PYY: variants seen among roughly 807,000 people sequenced by gnomAD.
The protein encoded by PYY is peptide YY.
A neutral mutation model predicts 10.3 loss-of-function variants in PYY; 12 were observed. The ratio of observed to expected loss-of-function variants is 1.17; its 90% CI spans 0.75 to 1.89. The LOEUF is 1.89. PYY is among the 40% of genes most tolerant of loss of function. The pLI is 0.00. For missense variants in PYY, 141 were observed against 134.0 expected (o/e 1.05, Z -0.26); for synonymous variants, 66 against 62.0 (o/e 1.06, Z -0.30).
At chr17:43,956,982 G>T (rs1388380653), upstream of PYY, among the ~76,000 whole-genome samples, 3 of 151,700 alleles carry the variant, frequency 2.0e-5, no homozygotes, top group Non-Finnish European at 4.4e-5. Flanking sequence ...AGTGGATCAC[G>T]AGGTCAGGAG....
At chr17:43,969,113 G>C (rs925579925) in intron 1 of PYY, among the ~76,000 whole-genome samples, 1 of 151,340 alleles carries the variant, frequency 6.6e-6, no homozygotes, top group Non-Finnish European at 1.5e-5. Context: ...ATCTCAAAAA[G>C]AAAAAAATAT....
At chr17:44,003,118 A>G (rs1030475253) in intron 1 of PYY, among the ~76,000 whole-genome samples, 3 of 152,030 alleles carry the variant, frequency 2.0e-5, no homozygotes, top group Non-Finnish European at 4.4e-5. Flanking sequence ...GTTCACCGCA[A>G]TCTCCTCCTC....
intron 1 of PYY, among the ~76,000 whole-genome samples, chr17:44,001,077 G>A (rs2049023344): frequency 6.6e-6 from 1 of 152,124 alleles, no homozygotes; most frequent in Non-Finnish European, 1.5e-5. Context: ...CTGTATTTGT[G>A]TACTGTGCAT....
chr17:43,972,196 TTTATTTA>T (rs904935783), intron 1 of PYY, among the ~76,000 whole-genome samples: 6 of 91,980 alleles, frequency 6.5e-5, no homozygotes, highest in East Asian at 2.4e-3. Context: ...TTTTATTTTA[TTTATTTA>T]TTTATTTATT....
rs375624200 is a variant in PYY at position 43,953,446 on chromosome 17, G to A, written c.38C>T (p.Thr13Ile). The A allele has an allele frequency of 1.9e-5, 31 of 1,611,452 alleles. No individual in the cohort carries two copies. Among genetic ancestry groups the A allele is most frequent in the Non-Finnish European group, 2.5e-5 (29 of 1,178,848 alleles). ...GCAGACGAGCAGGGCCAGAAGCACT[G>A]TGGTCAAGGCGGGCCACGGCCTGCG... ...FVRRPWPALT[T>I]VLLALLVCLG... The change falls in exon 2 of 4, where the codon ACA becomes ATA. Residue 13 changes from threonine to isoleucine, a missense_variant. Transcript: ENST00000692052.
chr17:43,980,875 G>C (rs2143938420), intron 1 of PYY, among the ~76,000 whole-genome samples: 1 of 152,198 alleles, frequency 6.6e-6, no homozygotes, highest in Non-Finnish European at 1.5e-5. Flanking sequence ...TTATCTCTAT[G>C]TAATATTCTG....
chr17:43,996,424 C>G (rs926789423), intron 1 of PYY, among the ~76,000 whole-genome samples: 1 of 152,128 alleles, frequency 6.6e-6, no homozygotes, highest in Non-Finnish European at 1.5e-5. Flanking sequence ...GGAGAGCATC[C>G]ATGAGCAAAT....
chr17:43,974,381 A>G (rs2048815438), intron 1 of PYY, among the ~76,000 whole-genome samples: 1 of 151,940 alleles, frequency 6.6e-6, no homozygotes, highest in Non-Finnish European at 1.5e-5. Context: ...GTGAACACGC[A>G]GGCACCTTTG....
intron 2 of PYY, among the ~76,000 whole-genome samples, chr17:43,960,576 G>A (rs1238861400): frequency 2.1e-5 from 3 of 141,596 alleles, no homozygotes; most frequent in Admixed American, 1.5e-4. Context: ...TAGGCCAGAC[G>A]CAGTGGCTCA....
At chr17:43,954,101 C>T (rs1426033002), upstream of PYY, 1 of 152,918 alleles carries the variant, frequency 6.5e-6, no homozygotes. Context: ...GTCTCCACCT[C>T]GCAGGAGCTG....
At position 43,963,564 on chromosome 17, in the gene PYY, G is replaced by GAAA. The variant is rs1567927800; in HGVS notation, c.-218+2723_-218+2724insTTT. Among the ~76,000 whole-genome samples, 33 of 99,824 alleles carry GAAA rather than the reference G, an allele frequency of 3.3e-4. No homozygotes were observed. The South Asian group carries it at 8.2e-3, about 25-fold the overall frequency. 65.5% of individuals were successfully genotyped at this position (99,824 alleles called of 152,430 possible). The stretch of plus-strand genomic sequence containing the variant: ...AGAAGGAAGGGAAGGAAGGAAGGAA[G>GAAA]GAAGGAAAAGAAAGAAAGAAAGAAA... On this transcript the variant is annotated intron_variant, in intron 2 of 6. Transcript: ENST00000360085.
chr17:43,978,855 C>CCA (rs1471728522), intron 1 of PYY, among the ~76,000 whole-genome samples: 1 of 152,226 alleles, frequency 6.6e-6, no homozygotes, highest in Admixed American at 6.5e-5. Flanking sequence ...GCATAGCCCT[C>CCA]CATACTCTGC....
At position 43,953,439 on chromosome 17, in the gene PYY, A is replaced by G. The variant is rs751782105; in HGVS notation, c.45T>C (p.Leu15=). Residue 15 remains leucine (L), a synonymous_variant, in exon 2 of 4, where the codon CTT becomes CTC. Coordinates refer to ENST00000692052, the MANE Select transcript of PYY (RefSeq NM_001394028.1). ...CCCCTAGGCAGACGAGCAGGGCCAG[A>G]AGCACTGTGGTCAAGGCGGGCCACG... ...RRPWPALTTV[L]LALLVCLGAL... is the part of the protein sequence containing the mutation. 2 of 1,612,174 alleles carry G rather than the reference A, an allele frequency of 1.2e-6. No individual in the cohort carries two copies. The highest frequency in any genetic ancestry group is 3.3e-5 in the Admixed American group (2 of 59,778).
At chr17:43,978,222 A>G (rs896795399) in intron 1 of PYY, among the ~76,000 whole-genome samples, 28 of 151,144 alleles carry the variant, frequency 1.9e-4, no homozygotes, top group African/African-American at 6.4e-4. Context: ...AAAGAAAGAG[A>G]GAGAAAGAAA....
At chr17:43,972,084 T>C (rs1485999171) in intron 1 of PYY, among the ~76,000 whole-genome samples, 1 of 152,030 alleles carries the variant, frequency 6.6e-6, no homozygotes, top group Non-Finnish European at 1.5e-5. Context: ...CAGACACCAT[T>C]ATTGGGTCTA....
At chr17:43,994,712 C>T (rs972710812) in intron 1 of PYY, among the ~76,000 whole-genome samples, 1 of 152,170 alleles carries the variant, frequency 6.6e-6, no homozygotes, top group Non-Finnish European at 1.5e-5. Flanking sequence ...ACCTCCTGCT[C>T]CTCTCAACGC....
chr17:43,986,976 G>A (rs1163830355), intron 1 of PYY, among the ~76,000 whole-genome samples: 1 of 152,200 alleles, frequency 6.6e-6, no homozygotes, highest in Non-Finnish European at 1.5e-5. Flanking sequence ...GGCTCAGAGA[G>A]ATTATGCGAC....
intron 1 of PYY, among the ~76,000 whole-genome samples, chr17:43,997,129 C>T (rs1011058772): frequency 6.6e-6 from 1 of 152,098 alleles, no homozygotes; most frequent in African/African-American, 2.4e-5. Flanking sequence ...ACCTCTGCCT[C>T]CCAGGTTCAA....
chr17:43,965,789 C>CAAAAAAAAAAAAAAAA (rs67609128), intron 2 of PYY, among the ~76,000 whole-genome samples: 1 of 31,932 alleles, frequency 3.1e-5, no homozygotes, highest in African/African-American at 1.1e-4. Flanking sequence ...ATCCATCTCA[C>CAAAAAAAAAAAAAAAA]AAAAAAAAAA....
Sources: allele counts gnomAD v4.1 joint callset (sites outside exome capture counted in the v4.1 genomes callset), GRCh38; gene constraint gnomAD v4.1.1; transcripts MANE v1.5; gene names NCBI Gene and HGNC (gene_info 2026-07-23, HGNC 2026-07-21).